Variants in DNM3 observed in about 807,000 individuals in gnomAD.
The protein encoded by DNM3 is dynamin 3.
In DNM3, 47 loss-of-function variants were observed where a neutral mutation model predicts 101.6. The observed-to-expected ratio is 0.46, with a 90% CI of 0.37 to 0.59. The LOEUF (loss-of-function observed/expected upper bound fraction) is 0.59, where lower values mean the gene tolerates loss of function less well. Among genes scored for constraint, DNM3 ranks in the 20% least tolerant of loss-of-function variants. The probability of loss-of-function intolerance (pLI) is 0.00; values close to 1 mark genes in which losing one functional copy is unlikely to be tolerated. For synonymous variants in DNM3, 385 were observed against 387.9 expected, an observed-to-expected ratio of 0.99 and a Z score of 0.09; for missense variants, 849 against 1,085.7, an observed-to-expected ratio of 0.78 and a Z score of 3.06.
intron 9 of DNM3, among the ~76,000 whole-genome samples, chr1:172,044,997 A>G (rs1018840406): frequency 5.1e-5 from 3 of 59,106 alleles, no homozygotes; most frequent in African/African-American, 2.4e-4. Flanking sequence ...GAAGGATGGA[A>G]TGGAGGTTGT....
intron 17 of DNM3, among the ~76,000 whole-genome samples, chr1:172,341,089 A>G (rs1182402030): frequency 6.6e-6 from 1 of 152,208 alleles, no homozygotes; most frequent in Non-Finnish European, 1.5e-5. Context: ...TCCCACACCA[A>G]CAACATCCAA....
chr1:171,857,041 G>A (rs2033682038), intron 1 of DNM3, among the ~76,000 whole-genome samples: 1 of 152,186 alleles, frequency 6.6e-6, no homozygotes. Flanking sequence ...TGACCTATGT[G>A]TCTAGAAGAG....
chr1:172,191,857 C>T (rs974944228), intron 14 of DNM3, among the ~76,000 whole-genome samples: 10 of 152,178 alleles, frequency 6.6e-5, no homozygotes, highest in African/African-American at 2.2e-4. Context: ...GGTTTTTGCA[C>T]GTTGATTTTG....
At chr1:171,981,517 G>T (rs1298897983) in intron 2 of DNM3, among the ~76,000 whole-genome samples, 1 of 152,158 alleles carries the variant, frequency 6.6e-6, no homozygotes, top group Non-Finnish European at 1.5e-5. Context: ...CATTGCCCAG[G>T]CATAAATGCA....
At chr1:171,896,748 A>C (rs1241384494) in intron 1 of DNM3, among the ~76,000 whole-genome samples, 2 of 152,112 alleles carry the variant, frequency 1.3e-5, no homozygotes, top group African/African-American at 4.8e-5. Flanking sequence ...TTTTTTTCTG[A>C]TAAAATAGTC....
At chr1:172,138,648 A>G (rs1362778032) in intron 14 of DNM3, 1 of 222,208 alleles carries the variant, frequency 4.5e-6, no homozygotes. Context: ...GTGGGTTTTA[A>G]TACTTGAATC....
chr1:172,050,134 C>T (rs1177835305), intron 10 of DNM3, among the ~76,000 whole-genome samples: 1 of 152,180 alleles, frequency 6.6e-6, no homozygotes, highest in Non-Finnish European at 1.5e-5. Context: ...TACCATCTCA[C>T]CAGTTGGAAA....
chr1:172,177,724 C>T (rs1443265713), intron 14 of DNM3, among the ~76,000 whole-genome samples: 1 of 151,786 alleles, frequency 6.6e-6, no homozygotes, highest in Non-Finnish European at 1.5e-5. Flanking sequence ...CACTTTGGCT[C>T]TGAGTGGACT....
intron 2 of DNM3, among the ~76,000 whole-genome samples, chr1:171,956,727 C>T (rs976677290): frequency 6.6e-6 from 1 of 152,194 alleles, no homozygotes; most frequent in African/African-American, 2.4e-5. Flanking sequence ...AGAGGTTCTC[C>T]ATGAGGGCCC....
At chr1:172,093,862 C>G (rs186963660) in intron 13 of DNM3, 2 of 708,150 alleles carry the variant, frequency 2.8e-6, no homozygotes, top group Admixed American at 3.3e-5. Context: ...GTCCGTAACA[C>G]CCTATCATTG....
At chr1:172,176,558 G>T (rs941169299) in intron 14 of DNM3, among the ~76,000 whole-genome samples, 1 of 151,806 alleles carries the variant, frequency 6.6e-6, no homozygotes. Flanking sequence ...ATCTTCAGAT[G>T]ATTACAGTTC....
rs146294790 is a variant in DNM3, at chr1:172,324,091, G to A, written c.1893+751G>A. Among the ~76,000 whole-genome samples the A allele has an allele frequency of 8.5e-5, 13 of 152,284 alleles. 1 individual carries two copies. The highest frequency in any genetic ancestry group is 6.8e-3 in the Middle Eastern group (2 of 294). ...TTAATTCAACTTTTCCAAAAGATTA[G>A]AACTATTTCTCACTTATATTAGAAA... On this transcript the variant is annotated intron_variant, in intron 17 of 20. Transcript: ENST00000627582.
intron 14 of DNM3, chr1:172,133,203 A>G (rs1012752970): frequency 8.0e-7 from 1 of 1,248,410 alleles, no homozygotes; most frequent in Non-Finnish European, 1.0e-6. Context: ...AAATAAGCCC[A>G]TTGGAAGGTA....
rs140988677 is a variant in DNM3, at chr1:172,227,632, G to T, written c.1660-25941G>T. 2.5e-3 allele frequency among the ~76,000 whole-genome samples: 381 copies of T among 152,210 alleles called. 9 individuals carry two copies. Among genetic ancestry groups the T allele is most frequent in the Admixed American group, 0.023 (349 of 15,274 alleles). On this transcript the variant is annotated intron_variant, in intron 14 of 20. Transcript: ENST00000627582. ...TTTAATAATGGCCATTCTGGCTGGGGTAAGGTGGTATCTCATTGTGGTTTT... is the reference window on the plus strand; with the variant it reads ...TTTAATAATGGCCATTCTGGCTGGGTTAAGGTGGTATCTCATTGTGGTTTT...
At chr1:171,975,380 G>A (rs530966987) in intron 2 of DNM3, among the ~76,000 whole-genome samples, 5 of 152,242 alleles carry the variant, frequency 3.3e-5, no homozygotes, top group Non-Finnish European at 7.4e-5. Context: ...GTAAGAATAT[G>A]TACTCTTATT....
intron 14 of DNM3, among the ~76,000 whole-genome samples, chr1:172,170,958 G>T (rs2058935811): frequency 6.6e-6 from 1 of 151,784 alleles, no homozygotes; most frequent in African/African-American, 2.4e-5. Flanking sequence ...TTTCTATACT[G>T]TTAGAAATAG....
rs536818679 is a variant in DNM3 at position 172,338,661 on chromosome 1, A to T, written c.1893+15321A>T. ...CTAGTGCATTTCTCTGTGGCACAGG[A>T]TCAGAGCAGCCACAGCCCACCAGGT... On this transcript the variant is annotated intron_variant, in intron 17 of 20. Transcript: ENST00000627582. 3.7e-5 allele frequency: 12 copies of T among 324,700 alleles called. No homozygotes were observed. In the East Asian group the frequency reaches 1.0e-3, roughly 27 times the overall value. The allele number at this position is 324,700 out of a possible 1,614,324, so 20.1% of individuals were successfully genotyped here.
intron 2 of DNM3, among the ~76,000 whole-genome samples, chr1:171,969,147 C>G (rs2043807267): frequency 6.6e-6 from 1 of 152,088 alleles, no homozygotes; most frequent in Non-Finnish European, 1.5e-5. Context: ...TGCTCCTCAT[C>G]ATAAAGGTCA....
chr1:172,218,907 A>T (rs945938930), intron 14 of DNM3, among the ~76,000 whole-genome samples: 1 of 152,142 alleles, frequency 6.6e-6, no homozygotes, highest in Non-Finnish European at 1.5e-5. Context: ...GGAGCGGGAG[A>T]CTTGCTTCTC....
Sources: gnomAD v4.1 joint callset for allele counts (sites outside exome capture counted in the v4.1 genomes callset) on GRCh38, gnomAD v4.1.1 for gene constraint, MANE v1.5 for transcripts, NCBI Gene and HGNC (gene_info 2026-07-23, HGNC 2026-07-21) for gene names.